The following MAST4 variants were observed in gnomAD, a reference collection of about 807,000 sequenced individuals.
The protein encoded by MAST4 is microtubule-associated serine/threonine-protein kinase 4.
In MAST4, 89 loss-of-function variants were observed where a neutral mutation model predicts 162.7. The ratio of observed to expected loss-of-function variants is 0.55; its 90% CI spans 0.46 to 0.65. The LOEUF (loss-of-function observed/expected upper bound fraction) is 0.65, where lower values mean the gene tolerates loss of function less well. MAST4 is among the 30% of genes least tolerant of loss of function. The probability of loss-of-function intolerance (pLI) is 0.00; values close to 1 mark genes in which losing one functional copy is unlikely to be tolerated. For missense variants in MAST4, 3,153 were observed against 3,374.0 expected (o/e 0.93, Z 1.62); for synonymous variants, 1,479 against 1,361.1 (o/e 1.09, Z -1.91).
intron 3 of MAST4, among the ~76,000 whole-genome samples, chr5:66,869,400 A>G (rs1760763059): frequency 6.6e-6 from 1 of 152,172 alleles, no homozygotes; most frequent in Non-Finnish European, 1.5e-5. Flanking sequence ...GGGTCAACGG[A>G]TAGATTCTCT....
At chr5:67,122,596 C>G (rs1039643772) in intron 14 of MAST4, among the ~76,000 whole-genome samples, 4 of 152,088 alleles carry the variant, frequency 2.6e-5, no homozygotes, top group African/African-American at 9.7e-5. Flanking sequence ...CTGAAGATTT[C>G]TTTCTTCATT....
intron 3 of MAST4, among the ~76,000 whole-genome samples, chr5:66,804,712 A>T (rs1423642): frequency 6.6e-6 from 1 of 152,048 alleles, no homozygotes; most frequent in Non-Finnish European, 1.5e-5. Flanking sequence ...GAAGGGTTTA[A>T]GAGTGGACTC....
chr5:66,974,056 C>G (rs888036023), intron 4 of MAST4, among the ~76,000 whole-genome samples: 1 of 152,092 alleles, frequency 6.6e-6, no homozygotes, highest in African/African-American at 2.4e-5. Flanking sequence ...ACCTGAGTGG[C>G]GCTCTCCTTC....
At chr5:67,066,625 G>A (rs1295829237) in intron 5 of MAST4, among the ~76,000 whole-genome samples, 1 of 151,968 alleles carries the variant, frequency 6.6e-6, no homozygotes, top group Non-Finnish European at 1.5e-5. Flanking sequence ...CCCCCTAATG[G>A]ACATTTTGGC....
intron 3 of MAST4, among the ~76,000 whole-genome samples, chr5:66,813,118 C>T (rs915120764): frequency 6.6e-6 from 1 of 152,122 alleles, no homozygotes; most frequent in South Asian, 2.1e-4. Context: ...AATCTAATTC[C>T]TGACAAAAAA....
chr5:66,666,994 G>A (rs896990812), intron 1 of MAST4, among the ~76,000 whole-genome samples: 1 of 152,204 alleles, frequency 6.6e-6, no homozygotes, highest in African/African-American at 2.4e-5. Flanking sequence ...GGCCTCTACA[G>A]TGAGAGCTGC....
At chr5:66,723,544 G>C (rs760174104) in intron 1 of MAST4, among the ~76,000 whole-genome samples, 3 of 152,140 alleles carry the variant, frequency 2.0e-5, no homozygotes, top group Non-Finnish European at 4.4e-5. Context: ...TGATGAGAAA[G>C]ATGCTAATTA....
At position 67,167,058 on chromosome 5, in the gene MAST4, G is replaced by A. The variant is rs777223059; in HGVS notation, c.*7G>A. 1.9e-6 allele frequency: 3 copies of A among 1,568,724 alleles called. No individual in the cohort carries two copies. The highest frequency in any genetic ancestry group is 2.6e-6 in the Non-Finnish European group (3 of 1,157,204). On this transcript the variant is annotated 3_prime_UTR_variant, in exon 29 of 29. Transcript: ENST00000403625. ...TCACAAAAAGGCCTTGTAACGGGGA[G>A]GGCCCAGGGGCAGGACTGTGGAGAC...
intron 3 of MAST4, among the ~76,000 whole-genome samples, chr5:66,811,764 C>T (rs1756490115): frequency 1.3e-5 from 2 of 152,164 alleles, no homozygotes; most frequent in Admixed American, 6.5e-5. Context: ...ACCTGTTACT[C>T]TCAAACGATG....
At chr5:66,812,451 T>C (rs1756523728) in intron 3 of MAST4, among the ~76,000 whole-genome samples, 2 of 152,178 alleles carry the variant, frequency 1.3e-5, no homozygotes, top group South Asian at 4.1e-4. Flanking sequence ...CCCCTGCCTA[T>C]GTTCACTTAG....
intron 3 of MAST4, chr5:66,789,592 A>T: frequency 2.9e-6 from 1 of 342,398 alleles, no homozygotes; most frequent in Non-Finnish European, 5.9e-6. Context: ...AGGTTTTTGC[A>T]TTCCAGGCAA....
intron 2 of MAST4, among the ~76,000 whole-genome samples, chr5:66,777,023 T>G (rs1391339081): frequency 6.6e-6 from 1 of 152,150 alleles, no homozygotes; most frequent in Non-Finnish European, 1.5e-5. Flanking sequence ...CTGTGTTCAG[T>G]TTTGTGCTGG....
At chr5:67,026,722 A>G (rs944346404) in intron 4 of MAST4, among the ~76,000 whole-genome samples, 6 of 152,192 alleles carry the variant, frequency 3.9e-5, no homozygotes, top group African/African-American at 7.2e-5. Flanking sequence ...ATTGTAAATC[A>G]TAGCCCCTTA....
At chr5:66,998,893 T>C (rs60975307) in intron 4 of MAST4, among the ~76,000 whole-genome samples, 5,740 of 152,316 alleles carry the variant, frequency 0.038, 336 homozygotes, top group African/African-American at 0.13. Context: ...GAGGGATATC[T>C]AATTCATTGG....
chr5:66,717,390 A>G (rs1561283065), intron 1 of MAST4, among the ~76,000 whole-genome samples: 1 of 152,206 alleles, frequency 6.6e-6, no homozygotes, highest in Non-Finnish European at 1.5e-5. Context: ...TATTTTTACT[A>G]TTATAAATTA....
chr5:66,968,967 G>C (rs1747090792), intron 4 of MAST4, among the ~76,000 whole-genome samples: 1 of 152,336 alleles, frequency 6.6e-6, no homozygotes, highest in East Asian at 1.9e-4. Context: ...TAGAATGTAA[G>C]TTCTGGAGGG....
chr5:66,705,527 C>T lies in MAST4; in HGVS notation c.364-54182C>T, dbSNP rs148494130. Among the ~76,000 whole-genome samples the T allele has an allele frequency of 8.2e-4, 125 of 152,246 alleles. 1 individual carries two copies. Among genetic ancestry groups the T allele is most frequent in the African/African-American group, 2.9e-3 (119 of 41,564 alleles). On this transcript the variant is annotated intron_variant, in intron 1 of 28. Coordinates refer to ENST00000403625, the MANE Select transcript of MAST4 (RefSeq NM_001164664.2). ...AGAGTCAAATCATGTTTCACAGGAA[C>T]GGTTTCAGGTTCCCCTGAGTCTACT...
At chr5:66,755,285 A>G (rs886352720) in intron 1 of MAST4, among the ~76,000 whole-genome samples, 27 of 152,222 alleles carry the variant, frequency 1.8e-4, no homozygotes, top group African/African-American at 6.3e-4. Context: ...TGACCTGAGT[A>G]GCTAGAGAAA....
chr5:67,140,462 C>T (rs1039983828), intron 19 of MAST4, among the ~76,000 whole-genome samples: 12 of 152,192 alleles, frequency 7.9e-5, no homozygotes, highest in Non-Finnish European at 1.8e-4. Context: ...TGAGTTGGCT[C>T]TTAGGCTCAG....
Sources: gnomAD v4.1 joint callset for allele counts (sites outside exome capture counted in the v4.1 genomes callset) on GRCh38, gnomAD v4.1.1 for gene constraint, MANE v1.5 for transcripts, NCBI Gene and HGNC (gene_info 2026-07-23, HGNC 2026-07-21) for gene names.